Variants in HMBOX1 observed in about 807,000 individuals in gnomAD.
The protein encoded by HMBOX1 is homeobox-containing protein 1.
A neutral mutation model predicts 54.5 loss-of-function variants in HMBOX1; 14 were observed. That is an observed-to-expected ratio of 0.26 (90% CI 0.17 to 0.40). HMBOX1 has a LOEUF of 0.40. Ranked by LOEUF, HMBOX1 falls within the 10% of genes least tolerant of loss-of-function variation. HMBOX1 has a pLI of 1.00. For missense variants in HMBOX1, 332 were observed against 514.4 expected, an observed-to-expected ratio of 0.65 and a Z score of 3.43; for synonymous variants, 160 against 181.0, an observed-to-expected ratio of 0.88 and a Z score of 0.93.
intron 1 of HMBOX1, among the ~76,000 whole-genome samples, chr8:28,911,784 A>G (rs1335502556): frequency 1.3e-5 from 2 of 152,136 alleles, no homozygotes; most frequent in Non-Finnish European, 2.9e-5. Flanking sequence ...TTGAGCGTCT[A>G]TAGATTTTGG....
At chr8:28,972,935 T>G (rs1221186552) in intron 3 of HMBOX1, among the ~76,000 whole-genome samples, 1 of 152,240 alleles carries the variant, frequency 6.6e-6, no homozygotes, top group Non-Finnish European at 1.5e-5. Flanking sequence ...AGTATTTATG[T>G]ACTACCACTT....
At chr8:28,973,292 A>G (rs1338823035) in intron 3 of HMBOX1, among the ~76,000 whole-genome samples, 1 of 152,232 alleles carries the variant, frequency 6.6e-6, no homozygotes, top group Non-Finnish European at 1.5e-5. Flanking sequence ...TAAGTGGCAG[A>G]GCCTAAATTA....
At chr8:28,983,500 C>T (rs945226676) in intron 4 of HMBOX1, among the ~76,000 whole-genome samples, 19 of 152,126 alleles carry the variant, frequency 1.2e-4, no homozygotes, top group African/African-American at 3.9e-4. Context: ...CCTTGCAGAC[C>T]TCTCTTTTTT....
chr8:28,911,212 A>C (rs1815345186), intron 1 of HMBOX1, among the ~76,000 whole-genome samples: 1 of 152,228 alleles, frequency 6.6e-6, no homozygotes. Flanking sequence ...TAGAATTGCT[A>C]GGAAGACTGC....
chr8:28,978,584 A>C (rs1413574085), intron 3 of HMBOX1, among the ~76,000 whole-genome samples: 1 of 152,160 alleles, frequency 6.6e-6, no homozygotes, highest in Non-Finnish European at 1.5e-5. Context: ...GGAGTTCGAG[A>C]CCAGCCCGGC....
chr8:28,944,710 CCAATCCATCAAAAGTGATTACA>C (rs1822100669), intron 1 of HMBOX1, among the ~76,000 whole-genome samples: 1 of 152,066 alleles, frequency 6.6e-6, no homozygotes, highest in Admixed American at 6.6e-5. Context: ...GGACCTGTTT[CCAATCCATCAAAAGTGATTACA>C]CAGCTATTAG....
chr8:29,004,838 G>T (rs1268704228), intron 4 of HMBOX1, among the ~76,000 whole-genome samples: 4 of 152,144 alleles, frequency 2.6e-5, no homozygotes, highest in African/African-American at 9.7e-5. Flanking sequence ...TCGAGAGGCT[G>T]CCAGGGCTTA....
intron 1 of HMBOX1, among the ~76,000 whole-genome samples, chr8:28,962,284 A>C (rs760093849): frequency 1.8e-4 from 27 of 152,146 alleles, no homozygotes; most frequent in Non-Finnish European, 3.5e-4. Context: ...TTATGTCTGA[A>C]ATATAACTGA....
intron 6 of HMBOX1, among the ~76,000 whole-genome samples, chr8:29,039,283 T>A (rs1165228790): frequency 6.6e-6 from 1 of 152,176 alleles, no homozygotes; most frequent in East Asian, 1.9e-4. Context: ...AATGAATGAT[T>A]AATTCAGTAT....
At chr8:28,937,362 A>G (rs577025901) in intron 1 of HMBOX1, among the ~76,000 whole-genome samples, 1 of 152,356 alleles carries the variant, frequency 6.6e-6, no homozygotes, top group Admixed American at 6.5e-5. Context: ...ATCTCATAAG[A>G]GTACTTGCTA....
chr8:28,945,785 C>T (rs1822320604), intron 1 of HMBOX1, among the ~76,000 whole-genome samples: 1 of 151,626 alleles, frequency 6.6e-6, no homozygotes, highest in African/African-American at 2.4e-5. Context: ...TTATTCTCTG[C>T]CTTTCATGGG....
chr8:28,952,172 A>G (rs1563454223), intron 1 of HMBOX1, among the ~76,000 whole-genome samples: 1 of 151,258 alleles, frequency 6.6e-6, no homozygotes, highest in Non-Finnish European at 1.5e-5. Flanking sequence ...AAAAAAAAAA[A>G]AAAGAAAAAG....
chr8:29,047,574 T>G, intron 8 of HMBOX1, 121 bp downstream of exon 8: 1 of 570,768 alleles, frequency 1.8e-6, no homozygotes. Flanking sequence ...CTTTTTTTTT[T>G]TTTTTTTTTT....
rs373006498 is a variant in HMBOX1, at chr8:29,001,998, A to T, written c.587-7074A>T. 4.6e-5 allele frequency among the ~76,000 whole-genome samples: 7 copies of T among 152,332 alleles called. No individual in the cohort carries two copies. In the South Asian group the frequency reaches 1.5e-3, roughly 32 times the overall value. On this transcript the variant is annotated intron_variant, in intron 4 of 9. Coordinates refer to ENST00000287701, the MANE Select transcript of HMBOX1 (RefSeq NM_001135726.3). Reference sequence around the variant, plus strand: ...TAGAGTGTAAGGATGTGTCTTAGTTATCTGTTGCAACATTAAGAACTTAGC... The same window carrying T: ...TAGAGTGTAAGGATGTGTCTTAGTTTTCTGTTGCAACATTAAGAACTTAGC...
chr8:28,989,674 T>C (rs1167521518), intron 4 of HMBOX1, among the ~76,000 whole-genome samples: 1 of 152,244 alleles, frequency 6.6e-6, no homozygotes, highest in East Asian at 1.9e-4. Context: ...AGATCACTAT[T>C]GACTTTATAG....
At chr8:29,039,748 A>T (rs564485277) in intron 6 of HMBOX1, among the ~76,000 whole-genome samples, 1 of 152,276 alleles carries the variant, frequency 6.6e-6, no homozygotes, top group Admixed American at 6.5e-5. Context: ...CATGTGAAAA[A>T]GACTCAGAGG....
At chr8:28,918,211 T>G (rs1816906621) in intron 1 of HMBOX1, among the ~76,000 whole-genome samples, 1 of 152,182 alleles carries the variant, frequency 6.6e-6, no homozygotes, top group South Asian at 2.1e-4. Flanking sequence ...TTATTTTTAT[T>G]TTTATTTTTT....
At chr8:28,903,182 G>T (rs141058815) in intron 1 of HMBOX1, among the ~76,000 whole-genome samples, 1 of 151,880 alleles carries the variant, frequency 6.6e-6, no homozygotes, top group Admixed American at 6.6e-5. Flanking sequence ...GAAGCAAAAC[G>T]AACAAAAAGC....
chr8:28,977,975 T>G (rs760162457), intron 3 of HMBOX1, among the ~76,000 whole-genome samples: 1 of 150,736 alleles, frequency 6.6e-6, no homozygotes, highest in African/African-American at 2.4e-5. Context: ...AAGAAAGAAA[T>G]ATTTCAAATA....
Sources: allele counts gnomAD v4.1 joint callset (sites outside exome capture counted in the v4.1 genomes callset), GRCh38; gene constraint gnomAD v4.1.1; transcripts MANE v1.5; gene names NCBI Gene and HGNC (gene_info 2026-07-23, HGNC 2026-07-21).